Variants in ANKS1A observed in about 807,000 individuals in gnomAD.
ANKS1A encodes ankyrin repeat and SAM domain-containing protein 1A.
In ANKS1A, 55 loss-of-function variants were observed where a neutral mutation model predicts 120.3. That is an observed-to-expected ratio of 0.46 (90% confidence interval 0.37 to 0.57). ANKS1A has a LOEUF of 0.57. ANKS1A is among the 20% of genes least tolerant of loss of function. The pLI is 0.00. For missense variants in ANKS1A, 1,123 were observed against 1,480.3 expected (o/e 0.76, Z 3.96); for synonymous variants, 590 against 604.7 (o/e 0.98, Z 0.36).
At position 35,082,466 on chromosome 6, in the gene ANKS1A, C is replaced by G. The variant is rs1288402591; in HGVS notation, c.2710-225C>G. Among the ~76,000 whole-genome samples the G allele has an allele frequency of 6.6e-6, 1 of 152,164 alleles. No homozygotes were observed. The highest frequency in any genetic ancestry group is 6.5e-5 in the Admixed American group (1 of 15,282). ...CCACAGAGACTGTCCTTCCCAAGCC[C>G]TGCTCTCAGGCGGTTTGGGTCCCTG... On this transcript the variant is annotated intron_variant, in intron 17 of 23. Coordinates refer to ENST00000360359, the MANE Select transcript of ANKS1A (RefSeq NM_015245.3). This position sits in a 1 kb window ranked among gnomAD's most constrained non-coding sequence, Gnocchi z 4.1.
At chr6:35,042,982 T>C (rs1775542969) in intron 11 of ANKS1A, among the ~76,000 whole-genome samples, 1 of 152,226 alleles carries the variant, frequency 6.6e-6, no homozygotes, top group Non-Finnish European at 1.5e-5. Context: ...CATTTTCTTT[T>C]GGATGACCTT....
downstream of ANKS1A, among the ~76,000 whole-genome samples, chr6:35,092,670 C>T (rs887283103): frequency 6.6e-6 from 1 of 152,202 alleles, no homozygotes; most frequent in Non-Finnish European, 1.5e-5. Flanking sequence ...TAACTAGTGT[C>T]ATCAGGGCAC....
At chr6:35,071,650 C>T (rs933365985) in intron 13 of ANKS1A, among the ~76,000 whole-genome samples, 5 of 152,328 alleles carry the variant, frequency 3.3e-5, no homozygotes, top group East Asian at 3.9e-4. Context: ...TGGTTCATAC[C>T]GCTGAGGTAC....
At chr6:34,942,238 T>C (rs1434206965) in intron 1 of ANKS1A, among the ~76,000 whole-genome samples, 1 of 152,240 alleles carries the variant, frequency 6.6e-6, no homozygotes, top group African/African-American at 2.4e-5. Flanking sequence ...CTTCTTTCTT[T>C]CGAGGAAGTG....
chr6:34,917,448 T>C (rs556391189), intron 1 of ANKS1A, among the ~76,000 whole-genome samples: 2 of 152,344 alleles, frequency 1.3e-5, no homozygotes, highest in Admixed American at 1.3e-4. Flanking sequence ...TGCCCCACAG[T>C]GTTCCAAATT....
At chr6:34,965,532 A>G (rs1324904346) in intron 1 of ANKS1A, among the ~76,000 whole-genome samples, 1 of 151,938 alleles carries the variant, frequency 6.6e-6, no homozygotes, top group Non-Finnish European at 1.5e-5. Flanking sequence ...TTGTATTTTT[A>G]GTAGAGACGA....
chr6:34,940,654 T>C (rs767363357), intron 1 of ANKS1A, among the ~76,000 whole-genome samples: 3 of 152,148 alleles, frequency 2.0e-5, no homozygotes, highest in Non-Finnish European at 2.9e-5. Flanking sequence ...CTCACACTTA[T>C]AATCCCAGCA....
chr6:34,971,784 G>A (rs1029111187), intron 3 of ANKS1A, among the ~76,000 whole-genome samples: 7 of 152,164 alleles, frequency 4.6e-5, no homozygotes, highest in African/African-American at 1.7e-4. Flanking sequence ...AATTAAAATA[G>A]TGCTCCCAAA....
chr6:34,910,318 A>T (rs983826207), intron 1 of ANKS1A, among the ~76,000 whole-genome samples: 1 of 152,202 alleles, frequency 6.6e-6, no homozygotes. Flanking sequence ...TAATCCCAGC[A>T]CTTTGAGAGG....
chr6:34,985,931 T>TA (rs1344214944), intron 8 of ANKS1A, among the ~76,000 whole-genome samples: 1 of 152,246 alleles, frequency 6.6e-6, no homozygotes, highest in Non-Finnish European at 1.5e-5. Context: ...CTCCTTGACT[T>TA]ACAGTGGGAT....
chr6:35,018,737 A>C (rs1324329886), intron 11 of ANKS1A, among the ~76,000 whole-genome samples: 1 of 151,820 alleles, frequency 6.6e-6, no homozygotes, highest in Non-Finnish European at 1.5e-5. Context: ...TTGTATCTTT[A>C]TGTCCATGAG....
intron 1 of ANKS1A, among the ~76,000 whole-genome samples, chr6:34,966,281 A>C (rs1232168282): frequency 6.6e-6 from 1 of 152,258 alleles, no homozygotes; most frequent in African/African-American, 2.4e-5. Flanking sequence ...ATGGCTTAAT[A>C]TTAAGAAACC....
chr6:34,954,806 C>T (rs950435654), intron 1 of ANKS1A, among the ~76,000 whole-genome samples: 8 of 152,218 alleles, frequency 5.3e-5, no homozygotes, highest in Admixed American at 5.2e-4. Flanking sequence ...CCTGGGAAAG[C>T]AGCCATTTCC....
intron 3 of ANKS1A, among the ~76,000 whole-genome samples, chr6:34,974,025 C>T (rs1470786027): frequency 1.5e-5 from 1 of 68,652 alleles, no homozygotes; most frequent in Non-Finnish European, 2.7e-5. Flanking sequence ...TTCCCTTTCC[C>T]TTCCCTTCCC....
At chr6:34,974,596 C>G (rs1771462387) in intron 3 of ANKS1A, among the ~76,000 whole-genome samples, 1 of 151,952 alleles carries the variant, frequency 6.6e-6, no homozygotes, top group Non-Finnish European at 1.5e-5. Flanking sequence ...GTGAAAAACT[C>G]ATAAGTCATA....
intron 13 of ANKS1A, among the ~76,000 whole-genome samples, chr6:35,068,931 C>A (rs1776932395): frequency 1.3e-5 from 2 of 152,076 alleles, no homozygotes; most frequent in African/African-American, 4.8e-5. Context: ...AGCTCTGGCC[C>A]CAAGAATCAG....
intron 11 of ANKS1A, among the ~76,000 whole-genome samples, chr6:35,038,719 CAA>C (rs1160114473): frequency 1.3e-5 from 2 of 152,008 alleles, no homozygotes; most frequent in African/African-American, 2.4e-5. Flanking sequence ...CTCCTGGACT[CAA>C]GAGGTCTTCC....
At chr6:34,924,090 C>CGTGT (rs71794086) in intron 1 of ANKS1A, among the ~76,000 whole-genome samples, 17,182 of 143,136 alleles carry the variant, frequency 0.12, 1,236 homozygotes, top group East Asian at 0.3. Context: ...GGGGCTTTTT[C>CGTGT]GTGTGTGTGT....
intron 1 of ANKS1A, among the ~76,000 whole-genome samples, chr6:34,945,983 ATTT>A (rs770638824): frequency 7.8e-6 from 1 of 128,924 alleles, no homozygotes; most frequent in Admixed American, 7.9e-5. Flanking sequence ...ATTTTTATTT[ATTT>A]TTTTTTTTTT....
Sources: allele counts gnomAD v4.1 joint callset (sites outside exome capture counted in the v4.1 genomes callset), GRCh38; gene constraint gnomAD v4.1.1; non-coding constraint Gnocchi (gnomAD v3.1); transcripts MANE v1.5; gene names NCBI Gene and HGNC (gene_info 2026-07-23, HGNC 2026-07-21).